The following ART3 variants were observed in gnomAD, a reference collection of about 807,000 sequenced individuals.
ART3 encodes the protein ADP-ribosyltransferase 3 (inactive), also known as ecto-ADP-ribosyltransferase 3.
ART3 carries 49 observed loss-of-function variants against 48.5 expected under a neutral mutation model. That is an observed-to-expected ratio of 1.01 (90% CI 0.80 to 1.28). The LOEUF (loss-of-function observed/expected upper bound fraction) is 1.28. ART3 is among the 50% of genes most tolerant of loss of function. ART3 has a pLI of 0.00. For synonymous variants in ART3, 145 were observed against 157.2 expected (o/e 0.92, Z 0.58); for missense variants, 438 against 454.3 (o/e 0.96, Z 0.33).
At chr4:76,055,028 G>T (rs1718549831) in intron 1 of ART3, among the ~76,000 whole-genome samples, 1 of 152,090 alleles carries the variant, frequency 6.6e-6, no homozygotes. Flanking sequence ...TCCTGCTTTG[G>T]CCTCCCAAAA....
chr4:76,070,423 C>T (rs893937560), upstream of ART3, among the ~76,000 whole-genome samples: 4 of 152,162 alleles, frequency 2.6e-5, no homozygotes, highest in Non-Finnish European at 5.9e-5. Context: ...TTACCTGATG[C>T]TAATAATGTT....
intron 1 of ART3, 65 bp from the exon 2 acceptor site, chr4:76,075,816 C>T: frequency 8.1e-7 from 1 of 1,231,870 alleles, no homozygotes; most frequent in Non-Finnish European, 1.2e-6. Context: ...CAGTGTCATC[C>T]TATTCTACTT....
intron 3 of ART3, among the ~76,000 whole-genome samples, chr4:76,085,394 G>A (rs1335291226): frequency 6.6e-6 from 1 of 152,236 alleles, no homozygotes; most frequent in Non-Finnish European, 1.5e-5. Context: ...TTGGATGGCA[G>A]AAGCTGTGTG....
intron 11 of ART3, among the ~76,000 whole-genome samples, chr4:76,111,688 G>A (rs1729513145): frequency 6.6e-6 from 1 of 151,990 alleles, no homozygotes; most frequent in African/African-American, 2.4e-5. Flanking sequence ...GACTACAGGC[G>A]CCCGCCACCA....
chr4:76,073,238 G>T (rs973010729), upstream of ART3, among the ~76,000 whole-genome samples: 1 of 152,138 alleles, frequency 6.6e-6, no homozygotes, highest in African/African-American at 2.4e-5. Flanking sequence ...TTAAAAACTG[G>T]AACAAAACAG....
chr4:76,091,600 GAATT>G (rs1724903090), intron 3 of ART3, among the ~76,000 whole-genome samples: 2 of 151,408 alleles, frequency 1.3e-5, no homozygotes, highest in South Asian at 4.2e-4. Context: ...TATCTTTTGA[GAATT>G]ATTTATGTAT....
chr4:76,045,233 A>G (rs748376364), intron 1 of ART3, among the ~76,000 whole-genome samples: 1 of 152,008 alleles, frequency 6.6e-6, no homozygotes, highest in Non-Finnish European at 1.5e-5. Flanking sequence ...CGGGCGGCAT[A>G]AGTCTGGACT....
chr4:76,026,394 T>G (rs1399587729), intron 1 of ART3, among the ~76,000 whole-genome samples: 2 of 152,160 alleles, frequency 1.3e-5, no homozygotes, highest in South Asian at 4.1e-4. Flanking sequence ...TTGGTAAATA[T>G]TGGATAGAAG....
At chr4:76,012,971 T>C (rs1000269981) in intron 1 of ART3, among the ~76,000 whole-genome samples, 1 of 152,246 alleles carries the variant, frequency 6.6e-6, no homozygotes, top group African/African-American at 2.4e-5. Context: ...CACCAAACTT[T>C]TATTCTTATG....
chr4:76,080,613 C>A (rs955229155), intron 2 of ART3, among the ~76,000 whole-genome samples: 2 of 152,102 alleles, frequency 1.3e-5, no homozygotes, highest in African/African-American at 4.8e-5. Flanking sequence ...TGGTTTCAAG[C>A]GATTCTCCTG....
chr4:76,064,972 C>T (rs1163931080), intron 1 of ART3, among the ~76,000 whole-genome samples: 2 of 152,026 alleles, frequency 1.3e-5, no homozygotes, highest in Non-Finnish European at 2.9e-5. Flanking sequence ...GCTGGGATTA[C>T]AGGCACCTGC....
intron 1 of ART3, among the ~76,000 whole-genome samples, chr4:76,020,084 T>G (rs1413489259): frequency 6.6e-6 from 1 of 152,106 alleles, no homozygotes; most frequent in Admixed American, 6.5e-5. Context: ...TGCTTCTTAC[T>G]TCTGTGAAAT....
chr4:76,032,823 T>C (rs1429861821), intron 1 of ART3, among the ~76,000 whole-genome samples: 1 of 151,936 alleles, frequency 6.6e-6, no homozygotes, highest in Non-Finnish European at 1.5e-5. Context: ...TGACCTCAGG[T>C]GATCCGCCCG....
intron 1 of ART3, among the ~76,000 whole-genome samples, chr4:76,051,898 CTT>C (rs1184736763): frequency 9.8e-5 from 8 of 81,808 alleles, no homozygotes; most frequent in South Asian, 5.2e-4. Context: ...CTCTCTCTCT[CTT>C]TTTTTTTTTT....
intron 1 of ART3, among the ~76,000 whole-genome samples, chr4:76,055,162 T>C (rs2149466823): frequency 6.6e-6 from 1 of 152,356 alleles, no homozygotes; most frequent in Non-Finnish European, 1.5e-5. Flanking sequence ...CTTACTTCCC[T>C]GTTCTTACTT....
rs116566881 is a variant in ART3, at chr4:76,060,537, T to C, written c.-9-15344T>C. 5.8e-3 allele frequency among the ~76,000 whole-genome samples: 880 copies of C among 152,320 alleles called. 20 individuals are homozygous for C. Among genetic ancestry groups the C allele is most frequent in the African/African-American group, 0.02 (837 of 41,566 alleles). On this transcript the variant is annotated intron_variant, in intron 1 of 9. Transcript: ENST00000341029. ...GCTAACATGGTAGGCAGAATAATTA[T>C]TCCCCAAAGATTTCCATGCCCTAAT... is the stretch of plus-strand genomic sequence containing the variant.
At chr4:76,035,193 T>C in intron 1 of ART3, 1 of 1,614,040 alleles carries the variant, frequency 6.2e-7, no homozygotes, top group Non-Finnish European at 8.5e-7. Context: ...ACCATTGTCA[T>C]CTTCAGCAAG....
chr4:76,054,685 T>C (rs539820617), intron 1 of ART3, among the ~76,000 whole-genome samples: 2 of 152,150 alleles, frequency 1.3e-5, no homozygotes, highest in Admixed American at 1.3e-4. Context: ...ATTTGAAAAA[T>C]TAGCTGGTTG....
chr4:76,097,599 G>T, intron 3 of ART3, 45 bp from the exon 4 acceptor site: 1 of 1,472,908 alleles, frequency 6.8e-7, no homozygotes. Flanking sequence ...ATATTTACTA[G>T]GGTATATTAT....
Sources: allele counts gnomAD v4.1 joint callset (sites outside exome capture counted in the v4.1 genomes callset), GRCh38; gene constraint gnomAD v4.1.1; transcripts MANE v1.5; gene names NCBI Gene and HGNC (gene_info 2026-07-23, HGNC 2026-07-21).